PCDH9: variants seen among roughly 807,000 people sequenced by gnomAD.
PCDH9 encodes protocadherin 9, also known as protocadherin-9.
PCDH9 carries 24 observed loss-of-function variants against 70.6 expected under a neutral mutation model. The observed-to-expected ratio is 0.34, with a 90% CI of 0.25 to 0.48. The LOEUF is 0.48. Ranked by LOEUF, PCDH9 falls within the 20% of genes least tolerant of loss-of-function variation. The pLI is 0.99. For missense variants in PCDH9, 1,281 were observed against 1,503.6 expected (o/e 0.85, Z 2.45); for synonymous variants, 562 against 558.5 (o/e 1.01, Z -0.09).
At chr13:66,897,720 A>G (rs944274648) in intron 3 of PCDH9, among the ~76,000 whole-genome samples, 2 of 152,150 alleles carry the variant, frequency 1.3e-5, no homozygotes, top group African/African-American at 4.8e-5. Context: ...GTAATTTGTT[A>G]CAAATTTACA....
chr13:66,638,022 A>T (rs2077661940), intron 3 of PCDH9, among the ~76,000 whole-genome samples: 2 of 152,188 alleles, frequency 1.3e-5, no homozygotes, highest in Admixed American at 6.5e-5. Context: ...AGAGAACCAA[A>T]CTAAAAACCA....
chr13:66,786,031 CATTTA>C (rs1479713977), intron 3 of PCDH9, among the ~76,000 whole-genome samples: 1 of 152,098 alleles, frequency 6.6e-6, no homozygotes, highest in East Asian at 1.9e-4. Context: ...TCCATTATCT[CATTTA>C]ATTTATTAGT....
At chr13:66,412,813 G>T (rs1957394084) in intron 4 of PCDH9, among the ~76,000 whole-genome samples, 1 of 152,102 alleles carries the variant, frequency 6.6e-6, no homozygotes, top group Non-Finnish European at 1.5e-5. Flanking sequence ...TTGAGTAAAA[G>T]TAATCTGGCA....
At position 67,006,513 on chromosome 13, in the gene PCDH9, G is replaced by T. The variant is rs144312512; in HGVS notation, c.3037-102908C>A. ...TGGTTAGATCTGGAAATAAGTATTT[G>T]TAGTCATATCCCTGGCGATTTTCTG... On this transcript the variant is annotated intron_variant, in intron 2 of 4. Transcript: ENST00000377865. Among the ~76,000 whole-genome samples the T allele has an allele frequency of 5.5e-4, 84 of 152,310 alleles. 1 individual carries two copies. In the East Asian group the frequency reaches 0.015, roughly 27 times the overall value.
At chr13:67,130,584 C>G (rs530687620) in intron 2 of PCDH9, among the ~76,000 whole-genome samples, 2 of 151,934 alleles carry the variant, frequency 1.3e-5, no homozygotes, top group Admixed American at 1.3e-4. Flanking sequence ...GACAAAGGCC[C>G]AAATAAAGAA....
At chr13:66,855,087 T>C (rs1414630578) in intron 3 of PCDH9, among the ~76,000 whole-genome samples, 1 of 152,120 alleles carries the variant, frequency 6.6e-6, no homozygotes, top group Non-Finnish European at 1.5e-5. Flanking sequence ...TAAATTCCCC[T>C]TTCTTGTACT....
At chr13:66,464,637 G>A (rs1958485053) in intron 4 of PCDH9, among the ~76,000 whole-genome samples, 1 of 151,938 alleles carries the variant, frequency 6.6e-6, no homozygotes, top group South Asian at 2.1e-4. Context: ...AGTAATAGAA[G>A]TAATCAAAGG....
At chr13:66,749,135 A>T (rs555783083) in intron 3 of PCDH9, among the ~76,000 whole-genome samples, 1 of 152,304 alleles carries the variant, frequency 6.6e-6, no homozygotes, top group East Asian at 1.9e-4. Flanking sequence ...TTCCTTTAGA[A>T]ATTACCCAGT....
chr13:66,422,895 AATAG>A (rs1272658426), intron 4 of PCDH9, among the ~76,000 whole-genome samples: 1 of 152,136 alleles, frequency 6.6e-6, no homozygotes, highest in Non-Finnish European at 1.5e-5. Context: ...AGATTAACAA[AATAG>A]ATAGAGTGCT....
intron 3 of PCDH9, among the ~76,000 whole-genome samples, chr13:66,846,641 A>T (rs1041621991): frequency 6.6e-6 from 1 of 152,070 alleles, no homozygotes; most frequent in Non-Finnish European, 1.5e-5. Context: ...CTTGCCAGAA[A>T]TAAAATTATT....
chr13:66,580,699 C>T (rs1708528034), intron 4 of PCDH9, among the ~76,000 whole-genome samples: 1 of 151,850 alleles, frequency 6.6e-6, no homozygotes, highest in Admixed American at 6.6e-5. Context: ...CAATATTAGG[C>T]ACTTCATTCA....
chr13:66,873,543 A>G (rs1272494809), intron 3 of PCDH9, among the ~76,000 whole-genome samples: 3 of 152,140 alleles, frequency 2.0e-5, no homozygotes, highest in Non-Finnish European at 4.4e-5. Context: ...TTGTCTTTCA[A>G]TACGTCAGGT....
intron 4 of PCDH9, among the ~76,000 whole-genome samples, chr13:66,439,939 G>A (rs1957943634): frequency 6.6e-6 from 1 of 152,140 alleles, no homozygotes; most frequent in Admixed American, 6.5e-5. Context: ...TTGTAGGTAA[G>A]TTAATGGCAA....
At chr13:66,974,066 C>T (rs1337060876) in intron 2 of PCDH9, among the ~76,000 whole-genome samples, 1 of 151,966 alleles carries the variant, frequency 6.6e-6, no homozygotes, top group Non-Finnish European at 1.5e-5. Context: ...TAGAACTCAC[C>T]TACGCTTCCC....
chr13:67,228,350 T>C lies in PCDH9; in HGVS notation c.91A>G (p.Arg31Gly), dbSNP rs2089934296. ...GGCACATTTTCAGGCAATTCCTCTC[T>C]AATAGTGTAAATAAGTTCTTGAGCT... ...AIAQELIYTI[R>G]EELPENVPIG... Residue 31 changes from arginine (R) to glycine (G), a missense_variant, in exon 2 of 5, where the codon AGA becomes GGA. Physicochemically the swap from Arg to Gly is moderately radical, Grantham distance 125. Coordinates refer to ENST00000377865, the MANE Select transcript of PCDH9 (RefSeq NM_203487.3). 6.2e-7 allele frequency: 1 copy of C among 1,614,102 alleles called. No homozygotes were observed.
intron 4 of PCDH9, among the ~76,000 whole-genome samples, chr13:66,385,246 T>G (rs2138253058): frequency 6.6e-6 from 1 of 152,304 alleles, no homozygotes; most frequent in South Asian, 2.1e-4. Context: ...CCTTGATTAC[T>G]AGTTAAGTAC....
intron 4 of PCDH9, among the ~76,000 whole-genome samples, chr13:66,545,715 A>G (rs1961155604): frequency 6.6e-6 from 1 of 152,080 alleles, no homozygotes; most frequent in Non-Finnish European, 1.5e-5. Context: ...TGGCACACAC[A>G]CTTATTTACA....
At chr13:66,417,741 AT>A (rs1182227459) in intron 4 of PCDH9, among the ~76,000 whole-genome samples, 1 of 152,086 alleles carries the variant, frequency 6.6e-6, no homozygotes. Context: ...TTTGATTTGC[AT>A]TTCTCTAATG....
At chr13:66,732,290 C>T (rs2079088789) in intron 3 of PCDH9, among the ~76,000 whole-genome samples, 2 of 151,934 alleles carry the variant, frequency 1.3e-5, no homozygotes, top group South Asian at 4.1e-4. Context: ...TCTAATCCAG[C>T]TATTTTGAAA....
Sources: gnomAD v4.1 joint callset for allele counts (sites outside exome capture counted in the v4.1 genomes callset) on GRCh38, gnomAD v4.1.1 for gene constraint, MANE v1.5 for transcripts, NCBI Gene and HGNC (gene_info 2026-07-23, HGNC 2026-07-21) for gene names.